The following RSPO2 variants were observed in gnomAD, a reference collection of about 807,000 sequenced individuals.
The protein encoded by RSPO2 is R-spondin-2.
Under a neutral mutation model 30.9 loss-of-function variants are expected in RSPO2, and 14 were observed. That is an observed-to-expected ratio of 0.45 (90% CI 0.30 to 0.71). RSPO2 has a LOEUF of 0.71. RSPO2 is among the 30% of genes least tolerant of loss of function. The pLI is 0.08. For missense variants in RSPO2, 264 were observed against 301.9 expected (o/e 0.87, Z 0.93); for synonymous variants, 107 against 96.4 (o/e 1.11, Z -0.64).
chr8:107,986,665 T>C (rs918527295), intron 3 of RSPO2, among the ~76,000 whole-genome samples: 6 of 152,198 alleles, frequency 3.9e-5, no homozygotes, highest in Admixed American at 2.0e-4. Flanking sequence ...CATTGAGTAA[T>C]ACATTATACG....
Position 107,978,987 on chromosome 8 carries a change from T to A in RSPO2, c.283+10069A>T, listed in dbSNP as rs1453712902. On this transcript the variant is annotated intron_variant, in intron 3 of 5. Transcript: ENST00000276659. ...AAATCAAAACCACAATGAGATACCA[T>A]CTCACACCAGTTAGAATGGCAATCA... is the stretch of plus-strand genomic sequence containing the variant. Among the ~76,000 whole-genome samples the A allele has an allele frequency of 3.3e-5, 5 of 152,236 alleles. No individual in the cohort carries two copies. In the East Asian group the frequency reaches 7.7e-4, roughly 24 times the overall value.
chr8:107,965,205 C>G (rs1349552911), intron 3 of RSPO2, among the ~76,000 whole-genome samples: 1 of 152,092 alleles, frequency 6.6e-6, no homozygotes, highest in Non-Finnish European at 1.5e-5. Flanking sequence ...ATTACAGTGC[C>G]TCCTCAAAAA....
chr8:107,995,553 C>T (rs912510654), intron 2 of RSPO2, among the ~76,000 whole-genome samples: 2 of 152,148 alleles, frequency 1.3e-5, no homozygotes, highest in African/African-American at 4.8e-5. Context: ...GTTGCCTCTA[C>T]TTATCACCAT....
intron 5 of RSPO2, among the ~76,000 whole-genome samples, chr8:107,956,851 T>A (rs1174141040): frequency 6.6e-6 from 1 of 152,186 alleles, no homozygotes; most frequent in Non-Finnish European, 1.5e-5. Context: ...AGAAGTGGCT[T>A]ATTAGTTTTG....
chr8:107,924,821 TGCAC>T (rs932284516), intron 5 of RSPO2, among the ~76,000 whole-genome samples: 7 of 78,022 alleles, frequency 9.0e-5, no homozygotes, highest in Non-Finnish European at 2.0e-4. Flanking sequence ...TCACCTAACA[TGCAC>T]ACACACACAC....
chr8:108,064,389 A>C (rs1311558071), intron 2 of RSPO2, among the ~76,000 whole-genome samples: 2 of 152,222 alleles, frequency 1.3e-5, no homozygotes, highest in African/African-American at 2.4e-5. Flanking sequence ...TCTCAAAAGA[A>C]GACATTTTTG....
intron 5 of RSPO2, among the ~76,000 whole-genome samples, chr8:107,903,819 A>T (rs1489390980): frequency 7.9e-5 from 12 of 152,004 alleles, no homozygotes; most frequent in African/African-American, 2.9e-4. Context: ...CACATAAGAC[A>T]TATTGCAAAT....
At chr8:108,038,146 T>A (rs1298999694) in intron 2 of RSPO2, among the ~76,000 whole-genome samples, 1 of 152,182 alleles carries the variant, frequency 6.6e-6, no homozygotes, top group Non-Finnish European at 1.5e-5. Flanking sequence ...TAGTGATTCA[T>A]GGGAGAAGGT....
intron 3 of RSPO2, among the ~76,000 whole-genome samples, chr8:107,968,349 G>C (rs935008979): frequency 5.3e-5 from 8 of 152,098 alleles, no homozygotes; most frequent in African/African-American, 1.9e-4. Flanking sequence ...GCCAGGCACA[G>C]AAAGACAAAT....
intron 3 of RSPO2, among the ~76,000 whole-genome samples, chr8:107,964,131 T>C (rs1280683062): frequency 6.6e-6 from 1 of 152,262 alleles, no homozygotes; most frequent in Non-Finnish European, 1.5e-5. Flanking sequence ...TCTTTGCCAC[T>C]GCATAAAACC....
At chr8:107,913,105 A>G (rs1490109111) in intron 5 of RSPO2, among the ~76,000 whole-genome samples, 1 of 152,200 alleles carries the variant, frequency 6.6e-6, no homozygotes, top group East Asian at 1.9e-4. Flanking sequence ...CCAAATTTTC[A>G]GAAGAATCTG....
intron 5 of RSPO2, among the ~76,000 whole-genome samples, chr8:107,945,399 C>T (rs1351642478): frequency 1.3e-5 from 2 of 151,756 alleles, no homozygotes; most frequent in African/African-American, 4.8e-5. Flanking sequence ...CAGGCATCTG[C>T]CACCACGCCG....
intron 2 of RSPO2, among the ~76,000 whole-genome samples, chr8:108,007,130 C>T (rs1046779613): frequency 2.0e-5 from 3 of 152,134 alleles, no homozygotes; most frequent in Non-Finnish European, 4.4e-5. Context: ...CTTTAGAAAC[C>T]TATCAAGGGT....
chr8:107,956,204 T>C (rs1813429187), intron 5 of RSPO2, among the ~76,000 whole-genome samples: 1 of 152,236 alleles, frequency 6.6e-6, no homozygotes, highest in South Asian at 2.1e-4. Context: ...AACAATTATA[T>C]TTAGTTTCCT....
At chr8:108,039,529 G>C (rs1056764812) in intron 2 of RSPO2, among the ~76,000 whole-genome samples, 81 of 152,148 alleles carry the variant, frequency 5.3e-4, no homozygotes, top group African/African-American at 1.8e-3. Context: ...ATAAAAGAAT[G>C]CTTAAAGTGT....
intron 2 of RSPO2, among the ~76,000 whole-genome samples, chr8:108,042,078 G>C (rs1811776554): frequency 6.6e-6 from 1 of 152,180 alleles, no homozygotes; most frequent in Non-Finnish European, 1.5e-5. Context: ...AATGTAAATT[G>C]TATTCAAGAG....
chr8:108,079,926 A>C (rs1813139901), intron 2 of RSPO2, among the ~76,000 whole-genome samples: 1 of 152,256 alleles, frequency 6.6e-6, no homozygotes, highest in Non-Finnish European at 1.5e-5. Context: ...TAACATGTCA[A>C]CTGTCACTGC....
At chr8:107,983,954 G>T in intron 3 of RSPO2, 1 of 974,794 alleles carries the variant, frequency 1.0e-6, no homozygotes, top group South Asian at 1.6e-5. Context: ...TATTCTGAAA[G>T]GATTTATGAA....
At chr8:108,011,164 GAAAAGA>G (rs545730752) in intron 2 of RSPO2, among the ~76,000 whole-genome samples, 1,919 of 111,644 alleles carry the variant, frequency 0.017, 49 homozygotes, top group African/African-American at 0.06. Flanking sequence ...AAGAAAGAAA[GAAAAGA>G]AAAAGAAAAA....
Sources: gnomAD v4.1 joint callset for allele counts (sites outside exome capture counted in the v4.1 genomes callset) on GRCh38, gnomAD v4.1.1 for gene constraint, MANE v1.5 for transcripts, NCBI Gene and HGNC (gene_info 2026-07-23, HGNC 2026-07-21) for gene names.